The following TJP1 variants were observed in gnomAD, a reference collection of about 807,000 sequenced individuals.
TJP1 encodes tight junction protein 1.
TJP1 carries 43 observed loss-of-function variants against 194.2 expected under a neutral mutation model. The observed-to-expected ratio is 0.22, with a 90% confidence interval of 0.17 to 0.29. The LOEUF is 0.29. Ranked by LOEUF, TJP1 falls within the 10% of genes least tolerant of loss-of-function variation. The pLI, the probability that TJP1 is intolerant of heterozygous loss-of-function variation, is 1.00. For missense variants in TJP1, 1,971 were observed against 2,185.7 expected (o/e 0.90, Z 1.96); for synonymous variants, 801 against 779.0 (o/e 1.03, Z -0.47).
chr15:29,726,143 T>C (rs2043223717), intron 18 of TJP1, among the ~76,000 whole-genome samples: 1 of 152,188 alleles, frequency 6.6e-6, no homozygotes, highest in Admixed American at 6.5e-5. Flanking sequence ...TAAGATTCTT[T>C]AGGAGACAAT....
Position 29,718,049 on chromosome 15 carries a change from A to G in TJP1, c.3946T>C (p.Phe1316Leu). The change falls in exon 22 of 28, where the codon TTC (phenylalanine) becomes CTC (leucine). Residue 1316 changes from phenylalanine to leucine, a missense_variant. Phe to Leu is a conservative substitution (Grantham distance 22). Transcript: ENST00000614355. ...TACAGAGTTTTGTCATGTTCACTGA[A>G]TTGATTCTGAGAAGTGGGTTTGGGA... ...IGPKPTSQNQ[F>L]SEHDKTLYRI... is the part of the protein sequence containing the mutation. 1 of 1,613,302 alleles carries G rather than the reference A, an allele frequency of 6.2e-7. No homozygotes were observed. Among genetic ancestry groups the G allele is most frequent in the Non-Finnish European group, 8.5e-7 (1 of 1,179,858 alleles).
At chr15:29,959,003 T>G (rs566875459) in intron 1 of TJP1, among the ~76,000 whole-genome samples, 1 of 152,026 alleles carries the variant, frequency 6.6e-6, no homozygotes, top group South Asian at 2.1e-4. Context: ...TTTTTGTTTT[T>G]TTTTGAGTCG....
intron 2 of TJP1, among the ~76,000 whole-genome samples, chr15:29,876,732 G>C (rs1295827136): frequency 1.3e-5 from 2 of 152,120 alleles, no homozygotes; most frequent in African/African-American, 4.8e-5. Flanking sequence ...ACATTCAACT[G>C]AGAATATTCA....
intron 2 of TJP1, among the ~76,000 whole-genome samples, chr15:29,886,499 A>G (rs2053119309): frequency 6.6e-6 from 1 of 151,868 alleles, no homozygotes; most frequent in Admixed American, 6.6e-5. Context: ...AGGCTGAGGC[A>G]GGAGGATTCT....
chr15:29,930,976 C>G (rs2054689884), intron 2 of TJP1, among the ~76,000 whole-genome samples: 1 of 152,148 alleles, frequency 6.6e-6, no homozygotes, highest in African/African-American at 2.4e-5. Flanking sequence ...TGCTGACCTT[C>G]ATGCAGTCAA....
At chr15:29,864,260 A>AAAAAAAAAAAAC in intron 2 of TJP1, among the ~76,000 whole-genome samples, 1 of 148,362 alleles carries the variant, frequency 6.7e-6, no homozygotes, top group Non-Finnish European at 1.5e-5. Flanking sequence ...AAAAAAAAAA[A>AAAAAAAAAAAAC]AAAAGCTGGG....
At chr15:29,747,203 TA>T (rs1387643053) in intron 8 of TJP1, among the ~76,000 whole-genome samples, 49 of 152,120 alleles carry the variant, frequency 3.2e-4, no homozygotes, top group African/African-American at 1.1e-3. Flanking sequence ...AAGAATCGCT[TA>T]AACCTGGGAG....
upstream of TJP1, among the ~76,000 whole-genome samples, chr15:29,826,607 T>C (rs2050684602): frequency 6.6e-6 from 1 of 152,216 alleles, no homozygotes; most frequent in African/African-American, 2.4e-5. Flanking sequence ...CCAAGGGTTA[T>C]GAATTCCATC....
chr15:29,740,036 A>G (rs963868081), intron 10 of TJP1, among the ~76,000 whole-genome samples: 9 of 150,244 alleles, frequency 6.0e-5, no homozygotes, highest in East Asian at 2.0e-4. Flanking sequence ...CACCCAGGCT[A>G]GAGTGCAGTG....
At position 29,914,019 on chromosome 15, in the gene TJP1, T is replaced by G. The variant is rs566943016; in HGVS notation, c.306+42213A>C. 3.3e-5 allele frequency among the ~76,000 whole-genome samples: 5 copies of G among 152,282 alleles called. No homozygotes were observed. The South Asian group carries it at 1.0e-3, about 32-fold the overall frequency. ...CGGAGGCTTGCTTTCCACATTCTCATGGCATTAGGAAACCTCAGGGGGATG... is the reference window on the plus strand; with the variant it reads ...CGGAGGCTTGCTTTCCACATTCTCAGGGCATTAGGAAACCTCAGGGGGATG... On this transcript the variant is annotated intron_variant, in intron 2 of 28. Transcript: ENST00000356107.
chr15:29,743,509 T>C (rs1279317164), intron 8 of TJP1, among the ~76,000 whole-genome samples: 1 of 152,154 alleles, frequency 6.6e-6, no homozygotes, highest in Non-Finnish European at 1.5e-5. Context: ...GAGGACTGCT[T>C]GAGCCCAGGA....
intron 1 of TJP1, among the ~76,000 whole-genome samples, chr15:29,963,208 A>C (rs2056220587): frequency 6.6e-6 from 1 of 152,180 alleles, no homozygotes; most frequent in Non-Finnish European, 1.5e-5. Flanking sequence ...GGAGGACCTC[A>C]GTGATCCATG....
intron 2 of TJP1, among the ~76,000 whole-genome samples, chr15:29,900,680 G>A (rs1284695640): frequency 6.6e-6 from 1 of 152,236 alleles, no homozygotes; most frequent in Admixed American, 6.5e-5. Context: ...AGGACTAGAT[G>A]AGTAATCAAT....
intron 2 of TJP1, among the ~76,000 whole-genome samples, chr15:29,929,247 A>C (rs991845725): frequency 1.3e-5 from 2 of 152,230 alleles, no homozygotes; most frequent in African/African-American, 4.8e-5. Flanking sequence ...CAGAGATGAA[A>C]CCATAAAGGA....
chr15:29,822,651 C>T, upstream of TJP1: 1 of 219,178 alleles, frequency 4.6e-6, no homozygotes, highest in Non-Finnish European at 7.7e-6. Context: ...ACTTGGAAGA[C>T]AGTTTCCGCT....
chr15:29,935,290 C>A (rs1482790493), intron 2 of TJP1, among the ~76,000 whole-genome samples: 1 of 152,194 alleles, frequency 6.6e-6, no homozygotes, highest in Non-Finnish European at 1.5e-5. Flanking sequence ...AATTTAAATT[C>A]CTTACATTTA....
At position 29,718,536 on chromosome 15, in the gene TJP1, T is replaced by C; in HGVS notation, c.3606A>G (p.Val1202=). 1 of 1,614,126 alleles carries C rather than the reference T, an allele frequency of 6.2e-7. No homozygotes were observed. Among genetic ancestry groups the C allele is most frequent in the Non-Finnish European group, 8.5e-7 (1 of 1,180,032 alleles). The part of the protein sequence containing the change: ...FEQYSRSYEQ[V]PPQGFTSRAG... Reference sequence around the variant, plus strand: ...CTCTAGAGGTAAATCCTTGGGGTGGTACTTGCTCGTAACTGCGTGAATATT... The same window carrying C: ...CTCTAGAGGTAAATCCTTGGGGTGGCACTTGCTCGTAACTGCGTGAATATT... Residue 1202 remains valine, a synonymous_variant, in exon 21 of 28, where the codon GTA becomes GTG. Coordinates refer to ENST00000614355, the MANE Select transcript of TJP1 (RefSeq NM_001330239.4).
In TJP1 at chr15:29,718,124, TAAAAA is replaced by T. The variant is rs563006679; in HGVS notation, c.3877-11_3877-7del. ...TTAGATGCTACTTCTGGAGGCTGTT[TAAAAA>T]AAAAAAAAAAAAAAAGACAAATATG... On this transcript the variant is annotated splice_polypyrimidine_tract_variant and splice_region_variant and intron_variant, in intron 21 of 27. Transcript: ENST00000614355. 3.2e-5 allele frequency: 45 copies of T among 1,427,610 alleles called. No homozygotes were observed. The highest frequency in any genetic ancestry group is 2.0e-4 in the Middle Eastern group (1 of 5,108). The allele number at this position is 1,427,610 out of a possible 1,614,324, so 88.4% of individuals were successfully genotyped here.
chr15:29,815,134 T>G (rs555004924), intron 1 of TJP1, among the ~76,000 whole-genome samples: 1 of 152,186 alleles, frequency 6.6e-6, no homozygotes, highest in Non-Finnish European at 1.5e-5. Flanking sequence ...TTAAGAGGAA[T>G]GGAAATAAAG....
Sources: gnomAD v4.1 joint callset for allele counts (sites outside exome capture counted in the v4.1 genomes callset) on GRCh38, gnomAD v4.1.1 for gene constraint, MANE v1.5 for transcripts, NCBI Gene and HGNC (gene_info 2026-07-23, HGNC 2026-07-21) for gene names.